Variants in DLGAP2 observed in about 807,000 individuals in gnomAD.
DLGAP2 encodes the protein disks large-associated protein 2.
In DLGAP2, 26 loss-of-function variants were observed where a neutral mutation model predicts 100.3. That is an observed-to-expected ratio of 0.26 (90% confidence interval 0.19 to 0.36). The LOEUF is 0.36. Among genes scored for constraint, DLGAP2 ranks in the 10% least tolerant of loss-of-function variants. The probability of loss-of-function intolerance (pLI) is 1.00; values close to 1 mark genes in which losing one functional copy is unlikely to be tolerated. For missense variants in DLGAP2, 1,858 were observed against 1,453.2 expected (o/e 1.28, Z -4.53); for synonymous variants, 886 against 630.1 (o/e 1.41, Z -6.08).
chr8:1,182,557 C>G (rs567788669), intron 2 of DLGAP2, among the ~76,000 whole-genome samples: 1 of 152,236 alleles, frequency 6.6e-6, no homozygotes, highest in East Asian at 1.9e-4. Flanking sequence ...TGCTGGGTGG[C>G]TGGATTTAGA....
chr8:1,048,823 G>T (rs1310209344), intron 2 of DLGAP2, among the ~76,000 whole-genome samples: 1 of 151,974 alleles, frequency 6.6e-6, no homozygotes, highest in Non-Finnish European at 1.5e-5. Context: ...AAAATGAGTA[G>T]CCGGGATTGC....
chr8:1,145,502 A>C (rs74442666), intron 2 of DLGAP2, among the ~76,000 whole-genome samples: 1 of 152,296 alleles, frequency 6.6e-6, no homozygotes, highest in African/African-American at 2.4e-5. Context: ...TTGCAACGTC[A>C]ACAGACCCCT....
Position 1,183,698 on chromosome 8 carries a change from C to A in DLGAP2, c.74-75153C>A, listed in dbSNP as rs1279192928. Among the ~76,000 whole-genome samples, 7 of 152,310 alleles carry A rather than the reference C, an allele frequency of 4.6e-5. No homozygotes were observed. In the East Asian group the frequency reaches 9.7e-4, roughly 21 times the overall value. On this transcript the variant is annotated intron_variant, in intron 2 of 14. Coordinates refer to ENST00000637795, the MANE Select transcript of DLGAP2 (RefSeq NM_001346810.2). ...ACAGGGCAGAGAAGGCTGCTTCCACCCCAGTCCTCATTTCTGTTATCACCG... is the reference window on the plus strand; with the variant it reads ...ACAGGGCAGAGAAGGCTGCTTCCACACCAGTCCTCATTTCTGTTATCACCG...
chr8:1,572,507 C>G (rs1250008786), intron 6 of DLGAP2, among the ~76,000 whole-genome samples: 1 of 69,696 alleles, frequency 1.4e-5, no homozygotes, highest in African/African-American at 5.9e-5. Flanking sequence ...GGGGCATCTT[C>G]TGGGATGGAG....
At chr8:917,994 G>A (rs2129000860) in intron 2 of DLGAP2, among the ~76,000 whole-genome samples, 1 of 152,330 alleles carries the variant, frequency 6.6e-6, no homozygotes, top group Non-Finnish European at 1.5e-5. Flanking sequence ...GTAGAGTGCA[G>A]AGACAAATTA....
At chr8:1,451,260 C>T (rs1277230905) in intron 3 of DLGAP2, among the ~76,000 whole-genome samples, 2 of 152,150 alleles carry the variant, frequency 1.3e-5, no homozygotes, top group Non-Finnish European at 1.5e-5. Context: ...TAACATCCTA[C>T]ATAACTACAC....
chr8:1,306,566 A>C (rs190088968), intron 3 of DLGAP2, among the ~76,000 whole-genome samples: 81 of 152,286 alleles, frequency 5.3e-4, no homozygotes, highest in Non-Finnish European at 9.4e-4. Flanking sequence ...TGGAATTACA[A>C]GGGACCCCAA....
At position 888,605 on chromosome 8, in the gene DLGAP2, T is replaced by G. The variant is rs569874479; in HGVS notation, c.19-19307T>G. Among the ~76,000 whole-genome samples, 71 of 147,656 alleles carry G rather than the reference T, an allele frequency of 4.8e-4. 1 individual carries two copies. The highest frequency in any genetic ancestry group is 1.6e-3 in the African/African-American group (65 of 40,568). Reference sequence around the variant, plus strand: ...GTTTATGCTGTTGTCACTTTCTGCTTTTTTTTTTTTTCAATAATCCGGTCC... The same window carrying G: ...GTTTATGCTGTTGTCACTTTCTGCTGTTTTTTTTTTTCAATAATCCGGTCC... On this transcript the variant is annotated intron_variant, in intron 1 of 14. Coordinates refer to ENST00000637795, the MANE Select transcript of DLGAP2 (RefSeq NM_001346810.2).
At chr8:1,373,780 G>A (rs1264014581) in intron 3 of DLGAP2, 1 of 152,244 alleles carries the variant, frequency 6.6e-6, no homozygotes, top group East Asian at 1.9e-4. Flanking sequence ...CACAAACGTA[G>A]CCTGCAAGGA....
chr8:942,534 A>T (rs1179709043), intron 2 of DLGAP2, among the ~76,000 whole-genome samples: 1 of 152,202 alleles, frequency 6.6e-6, no homozygotes, highest in Non-Finnish European at 1.5e-5. Flanking sequence ...ATCATTTCTA[A>T]ACTCCATAGA....
chr8:1,531,723 G>A (rs980849298), intron 4 of DLGAP2, among the ~76,000 whole-genome samples: 12 of 152,040 alleles, frequency 7.9e-5, no homozygotes, highest in South Asian at 2.1e-4. Context: ...TGACCAACTC[G>A]TGTGGTCTTG....
chr8:1,222,590 C>G (rs1269337633), intron 2 of DLGAP2, among the ~76,000 whole-genome samples: 9 of 151,498 alleles, frequency 5.9e-5, no homozygotes, highest in Middle Eastern at 3.4e-3. Flanking sequence ...CAGGGGGAGT[C>G]TACAGGTAGG....
At chr8:1,486,807 C>G (rs1240004426) in intron 3 of DLGAP2, among the ~76,000 whole-genome samples, 1 of 152,206 alleles carries the variant, frequency 6.6e-6, no homozygotes, top group East Asian at 1.9e-4. Context: ...GAGTCACAAA[C>G]AAGTAGTAAA....
intron 3 of DLGAP2, among the ~76,000 whole-genome samples, chr8:1,290,861 G>T (rs932391771): frequency 6.6e-6 from 1 of 152,130 alleles, no homozygotes; most frequent in Non-Finnish European, 1.5e-5. Context: ...TTTTGCTATT[G>T]TGGAAAAATA....
At chr8:1,592,382 G>A (rs1398534372) in intron 6 of DLGAP2, among the ~76,000 whole-genome samples, 2 of 151,944 alleles carry the variant, frequency 1.3e-5, no homozygotes, top group East Asian at 3.9e-4. Flanking sequence ...TTATATTGAC[G>A]ATTGGCCTGA....
intron 6 of DLGAP2, among the ~76,000 whole-genome samples, chr8:1,596,576 C>G (rs1254003954): frequency 3.9e-5 from 6 of 152,244 alleles, no homozygotes; most frequent in African/African-American, 1.4e-4. Flanking sequence ...TAACTGGCAT[C>G]AGATGGTATC....
At chr8:857,346 A>G (rs1244498677) in intron 1 of DLGAP2, among the ~76,000 whole-genome samples, 1 of 152,246 alleles carries the variant, frequency 6.6e-6, no homozygotes. Flanking sequence ...GGACTTCATT[A>G]AAATGAACAG....
At chr8:1,625,687 T>C (rs1797473080) in intron 6 of DLGAP2, among the ~76,000 whole-genome samples, 1 of 152,250 alleles carries the variant, frequency 6.6e-6, no homozygotes. Context: ...ATTCAGGAGC[T>C]GAGTTTGCTA....
chr8:938,690 C>T (rs963024490), intron 2 of DLGAP2, among the ~76,000 whole-genome samples: 102 of 152,306 alleles, frequency 6.7e-4, no homozygotes, highest in African/African-American at 2.4e-3. Flanking sequence ...CATGGCAGCC[C>T]TGTGTAGCTC....
Sources: allele counts gnomAD v4.1 joint callset (sites outside exome capture counted in the v4.1 genomes callset), GRCh38; gene constraint gnomAD v4.1.1; transcripts MANE v1.5; gene names NCBI Gene and HGNC (gene_info 2026-07-23, HGNC 2026-07-21).